Variants in TNKS2 observed in about 807,000 individuals in gnomAD.
TNKS2 encodes poly [ADP-ribose] polymerase tankyrase-2.
A neutral mutation model predicts 137.6 loss-of-function variants in TNKS2; 72 were observed. The ratio of observed to expected loss-of-function variants is 0.52; its 90% CI spans 0.43 to 0.64. The LOEUF is 0.64. Ranked by LOEUF, TNKS2 falls within the 30% of genes least tolerant of loss-of-function variation. The pLI is 0.00. For missense variants in TNKS2, 1,049 were observed against 1,410.2 expected (o/e 0.74, Z 4.10); for synonymous variants, 516 against 512.1 (o/e 1.01, Z -0.10).
intron 24 of TNKS2, among the ~76,000 whole-genome samples, chr10:91,858,827 G>T (rs913883677): frequency 1.3e-5 from 2 of 152,166 alleles, no homozygotes; most frequent in Admixed American, 6.5e-5. Flanking sequence ...TGACCAATAT[G>T]TTGAAACCCT....
intron 14 of TNKS2, among the ~76,000 whole-genome samples, chr10:91,840,929 G>A (rs1476759020): frequency 6.6e-6 from 1 of 152,146 alleles, no homozygotes; most frequent in Non-Finnish European, 1.5e-5. Flanking sequence ...TGGCCAAGGA[G>A]ATTATAACAT....
At chr10:91,850,111 A>G (rs1455964340) in intron 20 of TNKS2, among the ~76,000 whole-genome samples, 1 of 152,182 alleles carries the variant, frequency 6.6e-6, no homozygotes, top group Non-Finnish European at 1.5e-5. Flanking sequence ...CACGCCTGTA[A>G]TCCCAGCACT....
At chr10:91,852,910 A>G (rs771211531) in intron 21 of TNKS2, among the ~76,000 whole-genome samples, 2 of 152,240 alleles carry the variant, frequency 1.3e-5, no homozygotes, top group Non-Finnish European at 2.9e-5. Context: ...TTAAAGTGCA[A>G]TATGCTCTTG....
chr10:91,849,298 A>C (rs11186710), intron 19 of TNKS2, among the ~76,000 whole-genome samples: 11,054 of 152,322 alleles, frequency 0.073, 1,328 homozygotes, highest in African/African-American at 0.25. Flanking sequence ...AACAAAGTTT[A>C]AAATAAAAAT....
intron 1 of TNKS2, 94 bp from the exon 2 acceptor site, chr10:91,812,889 T>G: frequency 6.7e-7 from 1 of 1,502,630 alleles, no homozygotes; most frequent in Non-Finnish European, 8.9e-7. Flanking sequence ...TGTTATTAAT[T>G]TTCAACCTGA....
chr10:91,826,469 C>G (rs1845074185), intron 7 of TNKS2, among the ~76,000 whole-genome samples: 1 of 152,196 alleles, frequency 6.6e-6, no homozygotes, highest in African/African-American at 2.4e-5. Flanking sequence ...GAATGAATCT[C>G]AGCAACATTA....
intron 13 of TNKS2, among the ~76,000 whole-genome samples, chr10:91,838,036 A>ATTTTTTTTTTTT (rs71025367): frequency 1.2e-4 from 6 of 51,236 alleles, no homozygotes; most frequent in African/African-American, 2.4e-4. Flanking sequence ...CAATTAGCTG[A>ATTTTTTTTTTTT]TTTTTTTTTT....
In TNKS2 at chr10:91,863,145, C is replaced by G; in HGVS notation, c.*146C>G. The G allele has an allele frequency of 1.7e-6, 1 of 579,978 alleles. No homozygotes were observed. Among genetic ancestry groups the G allele is most frequent in the South Asian group, 2.5e-5 (1 of 40,768 alleles). 35.9% of individuals were successfully genotyped at this position (579,978 alleles called of 1,614,324 possible). Reference sequence around the variant, plus strand: ...AAAAATGTGAACGAAGTTTAACATTCTGACTTGATAAAGCTTTAATAATGT... The same window carrying G: ...AAAAATGTGAACGAAGTTTAACATTGTGACTTGATAAAGCTTTAATAATGT... On this transcript the variant is annotated 3_prime_UTR_variant, in exon 27 of 27. Coordinates refer to ENST00000371627, the MANE Select transcript of TNKS2 (RefSeq NM_025235.4).
intron 14 of TNKS2, among the ~76,000 whole-genome samples, 184 bp from the exon 15 acceptor site, chr10:91,841,099 T>C (rs1842197403): frequency 6.6e-6 from 1 of 152,206 alleles, no homozygotes; most frequent in African/African-American, 2.4e-5. Flanking sequence ...AAAACATTTT[T>C]TAAATGTTCT....
At position 91,863,600 on chromosome 10, in the gene TNKS2, T is replaced by A. The variant is rs1438032117; in HGVS notation, c.*601T>A. 1 of 152,274 alleles carries A rather than the reference T, an allele frequency of 6.6e-6. No individual in the cohort carries two copies. 9.4% of individuals were successfully genotyped at this position (152,274 alleles called of 1,614,324 possible). On this transcript the variant is annotated 3_prime_UTR_variant, in exon 27 of 27. Transcript: ENST00000371627. ...TTGTTAGTTGGGAAAGATTGAGTTATCAGATTTAATTTGCCGATGGGAGCC... is the reference window on the plus strand; with the variant it reads ...TTGTTAGTTGGGAAAGATTGAGTTAACAGATTTAATTTGCCGATGGGAGCC...
intron 7 of TNKS2, among the ~76,000 whole-genome samples, chr10:91,825,746 C>A (rs556520543): frequency 6.5e-4 from 99 of 152,310 alleles, no homozygotes; most frequent in African/African-American, 2.3e-3. Context: ...GTGGTCCATA[C>A]TTAGCCAACT....
chr10:91,858,675 G>A (rs1770477), intron 24 of TNKS2, among the ~76,000 whole-genome samples: 1,851 of 152,276 alleles, frequency 0.012, 32 homozygotes, highest in African/African-American at 0.042. Flanking sequence ...AGGCAGAAGT[G>A]GAAGGATAGA....
chr10:91,820,030 A>G lies in TNKS2; in HGVS notation c.725A>G (p.Lys242Arg). The G allele has an allele frequency of 6.4e-7, 1 of 1,561,134 alleles. No homozygotes were observed. The highest frequency in any genetic ancestry group is 8.7e-7 in the Non-Finnish European group (1 of 1,155,632). Residue 242 changes from lysine (K) to arginine (R), a missense_variant, in exon 6 of 27, where the codon AAA (lysine) becomes AGA (arginine). Around this residue, in one of 6 missense-constraint regions of TNKS2, gnomAD observed 374 missense variants for 460.8 expected, o/e 0.81. Transcript: ENST00000371627. ...QHGADVHAKD[K>R]GDLVPLHNAC... Reference sequence around the variant, plus strand: ...GGAGCTGATGTCCATGCTAAAGATAAAGGGTAAGCATTTGAACAAAAACAA... The same window carrying G: ...GGAGCTGATGTCCATGCTAAAGATAGAGGGTAAGCATTTGAACAAAAACAA...
At chr10:91,834,175 A>G (rs555910089) in intron 12 of TNKS2, 151 bp downstream of exon 12, 33 of 538,926 alleles carry the variant, frequency 6.1e-5, no homozygotes, top group African/African-American at 6.0e-4. Context: ...TCAGCTGAAT[A>G]TCCTCAGTTC....
chr10:91,854,984 G>T, intron 21 of TNKS2, 45 bp from the exon 22 acceptor site: 19 of 1,066,678 alleles, frequency 1.8e-5, no homozygotes, highest in Middle Eastern at 2.4e-4. Flanking sequence ...GATGTTCATT[G>T]TTTATTGGCA....
intron 1 of TNKS2, among the ~76,000 whole-genome samples, chr10:91,800,869 G>A (rs1844142450): frequency 6.6e-6 from 1 of 152,146 alleles, no homozygotes; most frequent in African/African-American, 2.4e-5. Flanking sequence ...CTTAATATAT[G>A]GAGAATATAC....
intron 1 of TNKS2, among the ~76,000 whole-genome samples, chr10:91,801,281 A>G (rs1447439474): frequency 6.6e-6 from 1 of 152,232 alleles, no homozygotes; most frequent in African/African-American, 2.4e-5. Context: ...TTAATGAAGA[A>G]GATAGTCAAC....
chr10:91,814,431 T>C (rs968003655), intron 2 of TNKS2, among the ~76,000 whole-genome samples: 2 of 152,182 alleles, frequency 1.3e-5, no homozygotes, highest in Admixed American at 6.5e-5. Flanking sequence ...AAGTTAATTA[T>C]TGAAGAAAGA....
rs1251832657 is a variant in TNKS2 at position 91,865,179 on chromosome 10, T to G, written c.*2180T>G. 3 of 152,598 alleles carry G rather than the reference T, an allele frequency of 2.0e-5. No individual in the cohort carries two copies. The highest frequency in any genetic ancestry group is 4.4e-5 in the Non-Finnish European group (3 of 68,024). 9.5% of individuals were successfully genotyped at this position (152,598 alleles called of 1,614,324 possible). A position where few individuals can be genotyped will look rare whatever the true frequency, so the allele number is the denominator to read the frequency against. ...TTTTTTGAAGTGAAATTTAACTTTTTGTGCAAGTAGTACTATTATACCCAT... is the reference window on the plus strand; with the variant it reads ...TTTTTTGAAGTGAAATTTAACTTTTGGTGCAAGTAGTACTATTATACCCAT... On this transcript the variant is annotated 3_prime_UTR_variant, in exon 27 of 27. Coordinates refer to ENST00000371627, the MANE Select transcript of TNKS2 (RefSeq NM_025235.4).
Sources: allele counts gnomAD v4.1 joint callset (sites outside exome capture counted in the v4.1 genomes callset), GRCh38; gene constraint gnomAD v4.1.1; regional missense constraint gnomAD v4.1.1; transcripts MANE v1.5; gene names NCBI Gene and HGNC (gene_info 2026-07-23, HGNC 2026-07-21).